PGM1: variants seen among roughly 807,000 people sequenced by gnomAD.
The protein encoded by PGM1 is phosphoglucomutase 1.
PGM1 carries 52 observed loss-of-function variants against 55.6 expected under a neutral mutation model. The observed-to-expected ratio is 0.94, with a 90% CI of 0.75 to 1.18. The LOEUF (loss-of-function observed/expected upper bound fraction) is 1.18. Ranked by LOEUF, PGM1 falls within the 50% of genes most tolerant of loss-of-function variation. The probability of loss-of-function intolerance (pLI) is 0.00; values close to 1 mark genes in which losing one functional copy is unlikely to be tolerated. For synonymous variants in PGM1, 287 were observed against 271.7 expected (o/e 1.06, Z -0.55); for missense variants, 724 against 729.3 (o/e 0.99, Z 0.08).
chr1:63,650,613 G>A (rs765987584), intron 8 of PGM1, among the ~76,000 whole-genome samples: 1 of 152,036 alleles, frequency 6.6e-6, no homozygotes, highest in Non-Finnish European at 1.5e-5. Context: ...TCTATTTCAC[G>A]ATTACAAATA....
chr1:63,659,967 C>T lies in PGM1; in HGVS notation c.*292C>T. 1.9e-6 allele frequency: 1 copy of T among 520,100 alleles called. No homozygotes were observed. The highest frequency in any genetic ancestry group is 3.5e-6 in the Non-Finnish European group (1 of 284,996). The allele number at this position is 520,100 out of a possible 1,614,324, so 32.2% of individuals were successfully genotyped here. A position where few individuals can be genotyped will look rare whatever the true frequency, so the allele number is the denominator to read the frequency against. On this transcript the variant is annotated 3_prime_UTR_variant, in exon 11 of 11. Transcript: ENST00000371084. ...TAGCCATCAGGTACAGTTTACACTA[C>T]AATGTAAGCTATAGGTGGAGCATCA...
At chr1:63,654,131 G>T (rs113225895) in intron 9 of PGM1, among the ~76,000 whole-genome samples, 1 of 152,158 alleles carries the variant, frequency 6.6e-6, no homozygotes, top group African/African-American at 2.4e-5. Flanking sequence ...TTCTCCCACC[G>T]TAGCTAAGCC....
rs1198117216 is a variant in PGM1 at position 63,651,673 on chromosome 1, G to T, written c.1285G>T (p.Asp429Tyr). The T allele has an allele frequency of 6.2e-7, 1 of 1,613,476 alleles. No homozygotes were observed. ...KYGRNFFTRY[D>Y]YEEVEAEGAN... ...CAACTTCGTGACTTCTTCCAGGTAT[G>T]ATTACGAGGAGGTGGAAGCTGAGGG... Residue 429 changes from aspartate to tyrosine, a missense_variant, in exon 9 of 11, where the codon GAT becomes TAT. By Grantham distance (160) the Asp-to-Tyr change is radical. Transcript: ENST00000371084.
At chr1:63,605,849 G>A (rs1347762112) in intron 1 of PGM1, among the ~76,000 whole-genome samples, 1 of 152,150 alleles carries the variant, frequency 6.6e-6, no homozygotes, top group Non-Finnish European at 1.5e-5. Context: ...CAGAATTACA[G>A]GTGTGAGCCA....
chr1:63,616,966 T>TA (rs1648731205), intron 1 of PGM1, among the ~76,000 whole-genome samples: 3 of 152,356 alleles, frequency 2.0e-5, no homozygotes, highest in South Asian at 2.1e-4. Flanking sequence ...GGCTAATACT[T>TA]ACGCAGGGCT....
rs372733595 is a variant in PGM1, at chr1:63,636,228, C to A, written c.874-6C>A. On this transcript the variant is annotated splice_polypyrimidine_tract_variant and splice_region_variant and intron_variant, in intron 5 of 10. Coordinates refer to ENST00000371084, the MANE Select transcript of PGM1 (RefSeq NM_002633.3). ...GGTCTTTCTTTGATCCTCTCTTCTCCCCAAGGATCGAAACATGATTCTGGG... is the reference window on the plus strand; with the variant it reads ...GGTCTTTCTTTGATCCTCTCTTCTCACCAAGGATCGAAACATGATTCTGGG... 3.4e-5 allele frequency: 55 copies of A among 1,613,488 alleles called. No individual in the cohort carries two copies. The highest frequency in any genetic ancestry group is 4.5e-5 in the Non-Finnish European group (53 of 1,179,550).
intron 1 of PGM1, among the ~76,000 whole-genome samples, chr1:63,626,453 G>A (rs1303429100): frequency 6.6e-6 from 1 of 152,072 alleles, no homozygotes; most frequent in Non-Finnish European, 1.5e-5. Flanking sequence ...TTACCTCATA[G>A]AAGCAGAATC....
At chr1:63,627,393 A>G (rs1390241988) in intron 1 of PGM1, among the ~76,000 whole-genome samples, 2 of 152,104 alleles carry the variant, frequency 1.3e-5, no homozygotes, top group African/African-American at 4.8e-5. Context: ...TGTGGGACAG[A>G]GGCAGGGGAG....
At chr1:63,636,172 GATAGTTTGATTTCTT>G (rs1446793483) in intron 5 of PGM1, 47 bp from the exon 6 acceptor site, 3 of 1,475,596 alleles carry the variant, frequency 2.0e-6, no homozygotes, top group African/African-American at 1.4e-5. Flanking sequence ...CCCCATGAAA[GATAGTTTGATTTCTT>G]ATAGTTTGAT....
intron 1 of PGM1, among the ~76,000 whole-genome samples, chr1:63,614,353 T>C (rs887707744): frequency 1.3e-5 from 2 of 152,142 alleles, no homozygotes; most frequent in Admixed American, 6.5e-5. Flanking sequence ...TTCCTAAACT[T>C]TTTAAGGAAA....
chr1:63,606,793 G>C (rs1187590897), intron 1 of PGM1, among the ~76,000 whole-genome samples: 3 of 152,120 alleles, frequency 2.0e-5, no homozygotes, highest in Admixed American at 6.5e-5. Flanking sequence ...TCCAAATCTG[G>C]TGAAAATCAC....
intron 7 of PGM1, among the ~76,000 whole-genome samples, chr1:63,639,934 G>A (rs1649471717): frequency 6.6e-6 from 1 of 152,222 alleles, no homozygotes; most frequent in Non-Finnish European, 1.5e-5. Flanking sequence ...GAATTGGAAG[G>A]TATGAAGAAG....
At chr1:63,595,352 A>G (rs896980429) in intron 1 of PGM1, among the ~76,000 whole-genome samples, 2 of 152,212 alleles carry the variant, frequency 1.3e-5, no homozygotes, top group African/African-American at 2.4e-5. Context: ...TAAGAGTCCA[A>G]TATAGATCTG....
chr1:63,620,547 A>G (rs1648853737), intron 1 of PGM1, among the ~76,000 whole-genome samples: 1 of 152,224 alleles, frequency 6.6e-6, no homozygotes, highest in South Asian at 2.1e-4. Context: ...GCCAGCCCTC[A>G]CATGGGGCCT....
Position 63,596,746 on chromosome 1 carries a change from TTCTAGAATATATATA to T in PGM1, c.246+3014_246+3028del, listed in dbSNP as rs1648085099. ...TTAAGTGCTCCTTTCCCATAGATAA[TTCTAGAATATATATA>T]TTAAATTCTAGTGAAATTTTCCGTT... On this transcript the variant is annotated intron_variant, in intron 1 of 10. Coordinates refer to ENST00000371084, the MANE Select transcript of PGM1 (RefSeq NM_002633.3). Among the ~76,000 whole-genome samples, 4 of 152,232 alleles carry T rather than the reference TTCTAGAATATATATA, an allele frequency of 2.6e-5. No homozygotes were observed. In the South Asian group the frequency reaches 8.3e-4, roughly 31 times the overall value.
chr1:63,636,486 A>G (rs1020205919), intron 6 of PGM1, 98 bp downstream of exon 6: 4 of 1,227,572 alleles, frequency 3.3e-6, no homozygotes, highest in East Asian at 2.3e-5. Context: ...CCCTTTCAGC[A>G]TGGGCATCTG....
chr1:63,651,934 C>T, intron 9 of PGM1, 82 bp downstream of exon 9: 1 of 1,325,944 alleles, frequency 7.5e-7, no homozygotes. Context: ...TAAAAAGTTC[C>T]TGTTGGCTAT....
chr1:63,626,629 T>A lies in PGM1; in HGVS notation c.247-2796T>A, dbSNP rs1649024999. 2.0e-5 allele frequency among the ~76,000 whole-genome samples: 3 copies of A among 151,826 alleles called. No individual in the cohort carries two copies. The South Asian group carries it at 6.2e-4, about 32-fold the overall frequency. On this transcript the variant is annotated intron_variant, in intron 1 of 10. Coordinates refer to ENST00000371084, the MANE Select transcript of PGM1 (RefSeq NM_002633.3). ...ATGAGAAAAAAAAAGAAAAAAAAAA[T>A]TATCCTATATATGTCCTTCCAATCA...
chr1:63,633,941 T>A (rs1649288779), intron 4 of PGM1, among the ~76,000 whole-genome samples: 3 of 121,624 alleles, frequency 2.5e-5, no homozygotes, highest in African/African-American at 3.5e-5. Flanking sequence ...TATTTTTTTT[T>A]TTTTTTTTTT....
Sources: allele counts gnomAD v4.1 joint callset (sites outside exome capture counted in the v4.1 genomes callset), GRCh38; gene constraint gnomAD v4.1.1; transcripts MANE v1.5; gene names NCBI Gene and HGNC (gene_info 2026-07-23, HGNC 2026-07-21).